Variants in CPAMD8 observed in about 807,000 individuals in gnomAD.
CPAMD8 encodes C3 and PZP like alpha-2-macroglobulin domain containing 8.
In CPAMD8, 146 loss-of-function variants were observed where a neutral mutation model predicts 224.7. The ratio of observed to expected loss-of-function variants is 0.65; its 90% confidence interval spans 0.57 to 0.75. The LOEUF is 0.75. CPAMD8 is among the 30% of genes least tolerant of loss of function. The pLI, the probability that CPAMD8 is intolerant of heterozygous loss-of-function variation, is 0.00. For missense variants in CPAMD8, 2,301 were observed against 2,537.5 expected (o/e 0.91, Z 2.00); for synonymous variants, 966 against 1,044.6 (o/e 0.92, Z 1.45).
At chr19:17,009,119 GAC>G in intron 6 of CPAMD8, 182 bp downstream of exon 6, 34 of 843,364 alleles carry the variant, frequency 4.0e-5, no homozygotes, top group Non-Finnish European at 5.0e-5. Flanking sequence ...GAAACGGACA[GAC>G]ACACACACAG....
intron 20 of CPAMD8, among the ~76,000 whole-genome samples, chr19:16,950,524 C>T (rs2054264674): frequency 6.6e-6 from 1 of 152,024 alleles, no homozygotes; most frequent in Non-Finnish European, 1.5e-5. Context: ...TGCAGTGGCT[C>T]ATGCCTGTAA....
chr19:16,961,987 GCATCAA>G (rs2054674271), intron 18 of CPAMD8, among the ~76,000 whole-genome samples: 1 of 150,714 alleles, frequency 6.6e-6, no homozygotes, highest in South Asian at 2.1e-4. Flanking sequence ...GAAAGGAATA[GCATCAA>G]CATCAACAAA....
intron 5 of CPAMD8, among the ~76,000 whole-genome samples, chr19:17,010,925 AG>A (rs1214478856): frequency 2.6e-5 from 4 of 152,110 alleles, no homozygotes; most frequent in African/African-American, 9.7e-5. Flanking sequence ...CAGGAGGCTA[AG>A]GCAGGAGAAT....
chr19:16,939,468 G>A (rs1199691137), intron 22 of CPAMD8, among the ~76,000 whole-genome samples: 10 of 151,970 alleles, frequency 6.6e-5, no homozygotes, highest in African/African-American at 1.2e-4. Flanking sequence ...CTCGGCCTCC[G>A]AAAGTGCTGG....
At chr19:16,970,770 A>T in intron 18 of CPAMD8, 121 bp downstream of exon 18, 1 of 892,548 alleles carries the variant, frequency 1.1e-6, no homozygotes, top group Non-Finnish European at 1.7e-6. Context: ...AATAAATTTC[A>T]GTTGTTTATA....
chr19:17,012,397 G>A (rs769662184), intron 3 of CPAMD8, among the ~76,000 whole-genome samples: 166 of 150,006 alleles, frequency 1.1e-3, no homozygotes, highest in Non-Finnish European at 3.1e-4. Context: ...GCCCAGGCTG[G>A]AGTGCAGTGG....
chr19:17,000,996 G>A (rs1204302210), intron 9 of CPAMD8, among the ~76,000 whole-genome samples: 2 of 152,140 alleles, frequency 1.3e-5, no homozygotes, highest in Non-Finnish European at 2.9e-5. Flanking sequence ...TGATGCAGAG[G>A]GAATGCTGGT....
chr19:16,900,846 T>A (rs1483379445), intron 36 of CPAMD8, among the ~76,000 whole-genome samples: 1 of 151,972 alleles, frequency 6.6e-6, no homozygotes, highest in Non-Finnish European at 1.5e-5. Flanking sequence ...ACCCTGTCTC[T>A]GCCACAAATA....
At chr19:16,927,073 C>G (rs933866370) in intron 25 of CPAMD8, among the ~76,000 whole-genome samples, 5 of 152,116 alleles carry the variant, frequency 3.3e-5, no homozygotes, top group African/African-American at 1.2e-4. Context: ...TGCCCAACTC[C>G]TAGCCCTGGA....
intron 30 of CPAMD8, 119 bp from the exon 31 acceptor site, chr19:16,904,671 G>A: frequency 1.4e-6 from 1 of 725,298 alleles, no homozygotes; most frequent in Non-Finnish European, 2.5e-6. Flanking sequence ...AGTGGGAGAA[G>A]AGTATCAGGG....
At position 17,008,487 on chromosome 19, in the gene CPAMD8, G is replaced by T. The variant is rs372679854; in HGVS notation, c.559+18C>A. 1.9e-6 allele frequency: 3 copies of T among 1,612,080 alleles called. No homozygotes were observed. The highest frequency in any genetic ancestry group is 1.7e-5 in the Admixed American group (1 of 59,980). ...TTATCACATCTGCAGCCCCCAAGCC[G>T]CAGAGGAAGAAACTTACCGCAGCAG... On this transcript the variant is annotated intron_variant, in intron 7 of 41. Coordinates refer to ENST00000443236, the MANE Select transcript of CPAMD8 (RefSeq NM_015692.5).
At chr19:16,913,153 G>T (rs2052792936) in intron 29 of CPAMD8, among the ~76,000 whole-genome samples, 1 of 152,138 alleles carries the variant, frequency 6.6e-6, no homozygotes. Flanking sequence ...CTCTGGCAGG[G>T]AAGTTTCCAG....
Position 16,918,647 on chromosome 19 carries a change from A to G in CPAMD8, c.3629+3258T>C, listed in dbSNP as rs140661490. Among the ~76,000 whole-genome samples, 7 of 150,356 alleles carry G rather than the reference A, an allele frequency of 4.7e-5. No homozygotes were observed. In the East Asian group the frequency reaches 9.8e-4, roughly 21 times the overall value. ...ATTTTTGCCGAGATGAGGTCTTGCC[A>G]TGTTTCTCAGGCTGGTCTCCGACTC... is the stretch of plus-strand genomic sequence containing the variant. On this transcript the variant is annotated intron_variant, in intron 27 of 41. Coordinates refer to ENST00000443236, the MANE Select transcript of CPAMD8 (RefSeq NM_015692.5).
intron 23 of CPAMD8, among the ~76,000 whole-genome samples, chr19:16,933,242 A>G (rs1054921193): frequency 6.6e-6 from 1 of 151,746 alleles, no homozygotes; most frequent in African/African-American, 2.4e-5. Context: ...TAAAACTACA[A>G]AATTTTGAGA....
At chr19:16,918,442 C>CTTTTT (rs869059553) in intron 27 of CPAMD8, among the ~76,000 whole-genome samples, 1 of 39,384 alleles carries the variant, frequency 2.5e-5, no homozygotes. Flanking sequence ...ATTTTTAAAA[C>CTTTTT]TTTTTTTTTT....
chr19:16,930,233 C>T (rs146178982), intron 23 of CPAMD8, among the ~76,000 whole-genome samples: 18 of 149,096 alleles, frequency 1.2e-4, no homozygotes, highest in African/African-American at 3.2e-4. Context: ...CCAGCATCGG[C>T]GACAAGAGTG....
At chr19:16,952,315 T>A in intron 19 of CPAMD8, 115 bp from the exon 20 acceptor site, 1 of 663,092 alleles carries the variant, frequency 1.5e-6, no homozygotes, top group East Asian at 2.8e-5. Context: ...CCTAGGAGCT[T>A]AGAAACAAGC....
At chr19:16,902,906 C>A (rs1315234257) in intron 34 of CPAMD8, 43 bp from the exon 35 acceptor site, 1 of 1,319,812 alleles carries the variant, frequency 7.6e-7, no homozygotes, top group Non-Finnish European at 1.0e-6. Flanking sequence ...CCTGGGCCCT[C>A]CATAACAGGT....
intron 20 of CPAMD8, among the ~76,000 whole-genome samples, chr19:16,949,177 G>A (rs773757684): frequency 1.3e-5 from 2 of 151,942 alleles, no homozygotes; most frequent in African/African-American, 4.8e-5. Flanking sequence ...GGTCTGAATG[G>A]GTATGTTTTC....
Sources: gnomAD v4.1 joint callset for allele counts (sites outside exome capture counted in the v4.1 genomes callset) on GRCh38, gnomAD v4.1.1 for gene constraint, MANE v1.5 for transcripts, NCBI Gene and HGNC (gene_info 2026-07-23, HGNC 2026-07-21) for gene names.